SPON1: variants seen among roughly 807,000 people sequenced by gnomAD.
SPON1 encodes spondin 1.
In SPON1, 52 loss-of-function variants were observed where a neutral mutation model predicts 111.7. The ratio of observed to expected loss-of-function variants is 0.47; its 90% CI spans 0.37 to 0.59. The LOEUF (loss-of-function observed/expected upper bound fraction) is 0.59. SPON1 is among the 20% of genes least tolerant of loss of function. The pLI, the probability that SPON1 is intolerant of heterozygous loss-of-function variation, is 0.00. For synonymous variants in SPON1, 410 were observed against 395.8 expected (o/e 1.04, Z -0.43); for missense variants, 957 against 1,068.5 (o/e 0.90, Z 1.46).
chr11:14,100,908 C>T (rs1849138325), intron 5 of SPON1, among the ~76,000 whole-genome samples: 1 of 152,182 alleles, frequency 6.6e-6, no homozygotes, highest in African/African-American at 2.4e-5. Flanking sequence ...TTTCCATTGT[C>T]CAGTGTGTCC....
intron 7 of SPON1, among the ~76,000 whole-genome samples, chr11:14,251,658 A>G (rs891417687): frequency 6.6e-6 from 1 of 152,212 alleles, no homozygotes; most frequent in Non-Finnish European, 1.5e-5. Context: ...GTCAGTCTCT[A>G]TGACAATGGA....
intron 3 of SPON1, among the ~76,000 whole-genome samples, chr11:14,060,042 A>AAGT (rs782242936): frequency 3.5e-4 from 54 of 152,272 alleles, no homozygotes; most frequent in Admixed American, 7.8e-4. Context: ...AAGGCATAGG[A>AAGT]AGTACCCCTT....
rs571040978 is a variant in SPON1 at position 14,109,937 on chromosome 11, C to A, written c.677-25483C>A. 2.6e-5 allele frequency among the ~76,000 whole-genome samples: 4 copies of A among 152,356 alleles called. No homozygotes were observed. The East Asian group carries it at 5.8e-4, about 22-fold the overall frequency. On this transcript the variant is annotated intron_variant, in intron 5 of 15. Transcript: ENST00000576479. ...TCTTCCTCTGGGATCCATCAGCATC[C>A]TGCCTACTCCTGCGTCACAGCACAG...
intron 6 of SPON1, among the ~76,000 whole-genome samples, chr11:14,233,617 A>G (rs1193588597): frequency 6.6e-6 from 1 of 152,160 alleles, no homozygotes; most frequent in African/African-American, 2.4e-5. Context: ...CATACCTCTC[A>G]CAAGCCAGGC....
chr11:13,966,555 G>C (rs1385103354), intron 1 of SPON1, among the ~76,000 whole-genome samples: 1 of 152,232 alleles, frequency 6.6e-6, no homozygotes, highest in East Asian at 1.9e-4. Context: ...CAAGGAACTT[G>C]ATGGGAAAAG....
chr11:14,230,384 T>C (rs1848785413), intron 6 of SPON1, among the ~76,000 whole-genome samples: 1 of 152,212 alleles, frequency 6.6e-6, no homozygotes, highest in African/African-American at 2.4e-5. Flanking sequence ...CAGACATTTC[T>C]AAGTAAAGAA....
intron 6 of SPON1, among the ~76,000 whole-genome samples, chr11:14,192,813 C>T (rs868937767): frequency 3.3e-4 from 49 of 150,078 alleles, no homozygotes; most frequent in Admixed American, 4.7e-4. Context: ...AAATTCTAGT[C>T]CAATATAGTC....
chr11:14,077,690 G>A (rs1848928757), intron 4 of SPON1, among the ~76,000 whole-genome samples: 1 of 151,836 alleles, frequency 6.6e-6, no homozygotes, highest in Non-Finnish European at 1.5e-5. Context: ...TTGCCATGTT[G>A]GCCAGGCTGG....
intron 2 of SPON1, among the ~76,000 whole-genome samples, chr11:14,038,962 A>G (rs10832168): frequency 0.3 from 45,689 of 152,078 alleles, 7,920 homozygotes; most frequent in South Asian, 0.51. Context: ...TCCTTCCGTA[A>G]GTGAGTGGAT....
rs1194146519 is a variant in SPON1 at position 14,266,498 on chromosome 11, T to C, written c.*811T>C. 1 of 152,132 alleles carries C rather than the reference T, an allele frequency of 6.6e-6. No individual in the cohort carries two copies. Among genetic ancestry groups the C allele is most frequent in the East Asian group, 1.9e-4 (1 of 5,192 alleles). 9.4% of individuals were successfully genotyped at this position (152,132 alleles called of 1,614,324 possible). A position where few individuals can be genotyped will look rare whatever the true frequency, so the allele number is the denominator to read the frequency against. ...GAACTTTTTGGTACTAAATCCTTATTGGAACCAAGACAAAGGAAGCAAAAT... is the reference window on the plus strand; with the variant it reads ...GAACTTTTTGGTACTAAATCCTTATCGGAACCAAGACAAAGGAAGCAAAAT... On this transcript the variant is annotated 3_prime_UTR_variant, in exon 16 of 16. Coordinates refer to ENST00000576479, the MANE Select transcript of SPON1 (RefSeq NM_006108.4).
At chr11:13,989,760 G>GAAAGAT (rs1848213295) in intron 2 of SPON1, among the ~76,000 whole-genome samples, 2 of 152,092 alleles carry the variant, frequency 1.3e-5, no homozygotes, top group Non-Finnish European at 2.9e-5. Context: ...CGTTCTCATT[G>GAAAGAT]GTTTCAAAGA....
Position 14,054,693 on chromosome 11 carries a change from G to A in SPON1, c.479+13039G>A, listed in dbSNP as rs185694899. On this transcript the variant is annotated intron_variant, in intron 3 of 15. Transcript: ENST00000576479. ...AGAAAATCAAAAATCAAGGAATGGG[G>A]AATGATGGGGGTGACTAGGCCACAA... 3.1e-3 allele frequency among the ~76,000 whole-genome samples: 474 copies of A among 152,266 alleles called. 2 individuals carry two copies. The highest frequency in any genetic ancestry group is 0.017 in the Middle Eastern group (5 of 294).
chr11:14,267,130 A>G lies in SPON1; in HGVS notation c.*1443A>G, dbSNP rs919373891. On this transcript the variant is annotated 3_prime_UTR_variant, in exon 16 of 16. Transcript: ENST00000576479. ...ACGAATTTGTATTAAACACATCAGA[A>G]TATTTCCAAATACAACATAGTATAG... 2.0e-5 allele frequency: 3 copies of G among 152,220 alleles called. No individual in the cohort carries two copies. The highest frequency in any genetic ancestry group is 4.8e-5 in the African/African-American group (2 of 41,464). 9.4% of individuals were successfully genotyped at this position (152,220 alleles called of 1,614,324 possible). A position where few individuals can be genotyped will look rare whatever the true frequency, so the allele number is the denominator to read the frequency against.
At chr11:14,100,929 C>G (rs1849138569) in intron 5 of SPON1, among the ~76,000 whole-genome samples, 1 of 152,214 alleles carries the variant, frequency 6.6e-6, no homozygotes, top group Non-Finnish European at 1.5e-5. Context: ...TTCTATCCAG[C>G]TGCTTAGAAG....
chr11:14,227,529 A>G (rs1848753394), intron 6 of SPON1, among the ~76,000 whole-genome samples: 1 of 152,198 alleles, frequency 6.6e-6, no homozygotes, highest in African/African-American at 2.4e-5. Context: ...TCTGTCAGGG[A>G]TGGATGCAGA....
At chr11:14,142,650 A>G (rs1554928895) in intron 6 of SPON1, among the ~76,000 whole-genome samples, 1 of 152,224 alleles carries the variant, frequency 6.6e-6, no homozygotes, top group African/African-American at 2.4e-5. Flanking sequence ...GAACAGCCCT[A>G]GAGGCAGCCA....
intron 5 of SPON1, among the ~76,000 whole-genome samples, chr11:14,130,673 C>T (rs919297124): frequency 6.6e-6 from 1 of 151,652 alleles, no homozygotes; most frequent in African/African-American, 2.4e-5. Flanking sequence ...ATAAATCATG[C>T]CAATAATTTA....
At chr11:14,175,153 C>A (rs1251720996) in intron 6 of SPON1, among the ~76,000 whole-genome samples, 2 of 152,154 alleles carry the variant, frequency 1.3e-5, no homozygotes, top group Non-Finnish European at 2.9e-5. Context: ...GAAGATAAAG[C>A]CTTAGCTACT....
chr11:14,041,465 T>C, intron 2 of SPON1, 56 bp from the exon 3 acceptor site: 1 of 1,601,120 alleles, frequency 6.2e-7, no homozygotes, highest in Non-Finnish European at 8.5e-7. Flanking sequence ...CTTAGAAGCT[T>C]AAGCGCCCTC....
Sources: allele counts gnomAD v4.1 joint callset (sites outside exome capture counted in the v4.1 genomes callset), GRCh38; gene constraint gnomAD v4.1.1; transcripts MANE v1.5; gene names NCBI Gene and HGNC (gene_info 2026-07-23, HGNC 2026-07-21).